Variants in MYO1E observed in about 807,000 individuals in gnomAD.
MYO1E encodes unconventional myosin-Ie.
MYO1E carries 68 observed loss-of-function variants against 151.1 expected under a neutral mutation model. That is an observed-to-expected ratio of 0.45 (90% confidence interval 0.37 to 0.55). The LOEUF (loss-of-function observed/expected upper bound fraction) is 0.55. Among genes scored for constraint, MYO1E ranks in the 20% least tolerant of loss-of-function variants. The pLI is 0.00. For synonymous variants in MYO1E, 601 were observed against 501.7 expected (o/e 1.20, Z -2.64); for missense variants, 1,363 against 1,389.3 (o/e 0.98, Z 0.30).
At chr15:59,290,040 T>C (rs2080409853) in intron 1 of MYO1E, among the ~76,000 whole-genome samples, 1 of 152,234 alleles carries the variant, frequency 6.6e-6, no homozygotes, top group South Asian at 2.1e-4. Context: ...AATGCTACGT[T>C]AGGTGCTTTG....
intron 26 of MYO1E, 83 bp from the exon 27 acceptor site, chr15:59,138,450 C>T: frequency 2.0e-6 from 3 of 1,470,950 alleles, no homozygotes; most frequent in East Asian, 4.5e-5. Context: ...TGGCGGCCGG[C>T]ACTGGCCTGT....
chr15:59,133,715 A>G lies in MYO1E; in HGVS notation c.*3665T>C, dbSNP rs1014342202. 7 of 152,218 alleles carry G rather than the reference A, an allele frequency of 4.6e-5. No individual in the cohort carries two copies. Among genetic ancestry groups the G allele is most frequent in the South Asian group, 2.1e-4 (1 of 4,830 alleles). The allele number at this position is 152,218 out of a possible 1,614,324, so 9.4% of individuals were successfully genotyped here. A position where few individuals can be genotyped will look rare whatever the true frequency, so the allele number is the denominator to read the frequency against. On this transcript the variant is annotated 3_prime_UTR_variant, in exon 28 of 28. Transcript: ENST00000288235. ...GAAACACAGAGTTAAATTGTCTACC[A>G]AAGACGCACCGTTCATGCTCTGCTC...
At position 59,215,569 on chromosome 15, in the gene MYO1E, G is replaced by T. The variant is rs933687265; in HGVS notation, c.1108-849C>A. 1.4e-4 allele frequency among the ~76,000 whole-genome samples: 22 copies of T among 152,118 alleles called. No individual in the cohort carries two copies. In the East Asian group the frequency reaches 3.3e-3, roughly 23 times the overall value. ...GCGGTTGGTGGGGGATGCAGTGGGGGAGGAATGTAAGCGAACAATTCTTTG... is the reference window on the plus strand; with the variant it reads ...GCGGTTGGTGGGGGATGCAGTGGGGTAGGAATGTAAGCGAACAATTCTTTG... On this transcript the variant is annotated intron_variant, in intron 10 of 27. Transcript: ENST00000288235.
chr15:59,141,496 C>T (rs2079408944), intron 26 of MYO1E, among the ~76,000 whole-genome samples: 1 of 152,132 alleles, frequency 6.6e-6, no homozygotes, highest in African/African-American at 2.4e-5. Flanking sequence ...AAGAAAAAGG[C>T]TTTTTAAAAA....
chr15:59,248,383 T>C (rs1469908171), intron 4 of MYO1E, among the ~76,000 whole-genome samples: 3 of 147,082 alleles, frequency 2.0e-5, no homozygotes, highest in Non-Finnish European at 4.5e-5. Flanking sequence ...CTACTTGGGA[T>C]GCTGAGGCAG....
chr15:59,318,185 C>A (rs1212118107), intron 1 of MYO1E, among the ~76,000 whole-genome samples: 1 of 152,156 alleles, frequency 6.6e-6, no homozygotes, highest in Non-Finnish European at 1.5e-5. Flanking sequence ...TAATGAATGC[C>A]TCTGGTATAC....
chr15:59,268,671 G>C (rs1314428285), intron 2 of MYO1E, among the ~76,000 whole-genome samples: 1 of 130,326 alleles, frequency 7.7e-6, no homozygotes, highest in East Asian at 2.5e-4. Flanking sequence ...TCTACACCAA[G>C]AGATTAATAA....
chr15:59,143,441 G>A (rs2079422851), intron 26 of MYO1E, among the ~76,000 whole-genome samples: 1 of 152,148 alleles, frequency 6.6e-6, no homozygotes, highest in Admixed American at 6.5e-5. Flanking sequence ...TCTGTCTTGT[G>A]ACCACAAAGA....
At chr15:59,178,602 C>A in intron 18 of MYO1E, 65 bp from the exon 19 acceptor site, 1 of 1,579,740 alleles carries the variant, frequency 6.3e-7, no homozygotes, top group Non-Finnish European at 8.6e-7. Flanking sequence ...TCTACCCGGG[C>A]AAGGCAGCAA....
At chr15:59,162,409 C>T (rs930787470) in intron 23 of MYO1E, among the ~76,000 whole-genome samples, 6 of 152,098 alleles carry the variant, frequency 3.9e-5, no homozygotes, top group Admixed American at 6.5e-5. Flanking sequence ...TTTGGGACGC[C>T]GAGGCGGGTG....
intron 4 of MYO1E, among the ~76,000 whole-genome samples, chr15:59,244,726 C>T (rs1404565039): frequency 6.6e-6 from 1 of 152,210 alleles, no homozygotes; most frequent in African/African-American, 2.4e-5. Flanking sequence ...GTTTCATTAC[C>T]TCTTTGAGAC....
chr15:59,224,654 GAGC>G (rs2079977648), intron 8 of MYO1E, 32 bp downstream of exon 8: 2 of 1,613,770 alleles, frequency 1.2e-6, no homozygotes, highest in African/African-American at 2.7e-5. Flanking sequence ...CCAGTTGGGA[GAGC>G]AGATCCTGCC....
chr15:59,254,558 A>G (rs1406708701), intron 4 of MYO1E, among the ~76,000 whole-genome samples: 1 of 152,220 alleles, frequency 6.6e-6, no homozygotes, highest in African/African-American at 2.4e-5. Flanking sequence ...TGGGAGGACC[A>G]AATAAAACAG....
At chr15:59,178,242 T>C in intron 19 of MYO1E, 151 bp downstream of exon 19, 1 of 951,572 alleles carries the variant, frequency 1.1e-6, no homozygotes, top group South Asian at 1.7e-5. Flanking sequence ...AAGGACCCAC[T>C]TAGACCAGGA....
intron 1 of MYO1E, among the ~76,000 whole-genome samples, chr15:59,299,521 G>T (rs1167577018): frequency 1.3e-5 from 2 of 152,134 alleles, no homozygotes; most frequent in Non-Finnish European, 2.9e-5. Flanking sequence ...AGATACAAAG[G>T]TTTACAAATT....
At position 59,163,149 on chromosome 15, in the gene MYO1E, G is replaced by A. The variant is rs12232341; in HGVS notation, c.2627+8C>T. Reference sequence around the variant, plus strand: ...ACGCAGAAGTCTGGGTCCCAGATCCGGACTTACGTATTGCTGAATTTCAGA... The same window carrying A: ...ACGCAGAAGTCTGGGTCCCAGATCCAGACTTACGTATTGCTGAATTTCAGA... On this transcript the variant is annotated splice_region_variant and intron_variant, in intron 23 of 27. Coordinates refer to ENST00000288235, the MANE Select transcript of MYO1E (RefSeq NM_004998.4). The A allele has an allele frequency of 8.6e-4, 1,383 of 1,613,788 alleles. 12 individuals are homozygous for A. In the East Asian group the frequency reaches 0.02, roughly 24 times the overall value.
chr15:59,252,826 C>T (rs1024753278), intron 4 of MYO1E, among the ~76,000 whole-genome samples: 3 of 152,142 alleles, frequency 2.0e-5, no homozygotes, highest in African/African-American at 4.8e-5. Flanking sequence ...GCGGAGGTTG[C>T]GGTGAGCTGA....
intron 1 of MYO1E, among the ~76,000 whole-genome samples, chr15:59,343,686 A>G (rs2080778036): frequency 6.6e-6 from 1 of 151,772 alleles, no homozygotes; most frequent in African/African-American, 2.4e-5. Flanking sequence ...GGTGGGCTTC[A>G]TTCTTTTTTA....
At chr15:59,175,359 T>C (rs2079618383) in intron 19 of MYO1E, among the ~76,000 whole-genome samples, 1 of 152,206 alleles carries the variant, frequency 6.6e-6, no homozygotes, top group South Asian at 2.1e-4. Context: ...GCAAAAATGT[T>C]CCAGAAGTAA....
Sources: gnomAD v4.1 joint callset for allele counts (sites outside exome capture counted in the v4.1 genomes callset) on GRCh38, gnomAD v4.1.1 for gene constraint, MANE v1.5 for transcripts, NCBI Gene and HGNC (gene_info 2026-07-23, HGNC 2026-07-21) for gene names.